The following CR1 variants were observed in gnomAD, a reference collection of about 807,000 sequenced individuals.
The protein encoded by CR1 is complement C3b/C4b receptor 1 (Knops blood group).
Under a neutral mutation model 187.3 loss-of-function variants are expected in CR1, and 116 were observed. The ratio of observed to expected loss-of-function variants is 0.62; its 90% CI spans 0.53 to 0.72. The LOEUF (loss-of-function observed/expected upper bound fraction) is 0.72, where lower values mean the gene tolerates loss of function less well. CR1 is among the 30% of genes least tolerant of loss of function. The probability of loss-of-function intolerance (pLI) is 0.00; values close to 1 mark genes in which losing one functional copy is unlikely to be tolerated. For missense variants in CR1, 1,731 were observed against 2,110.7 expected (o/e 0.82, Z 3.52); for synonymous variants, 576 against 747.1 (o/e 0.77, Z 3.73).
At chr1:207,568,371 G>T (rs906400868) in intron 25 of CR1, among the ~76,000 whole-genome samples, 3 of 103,304 alleles carry the variant, frequency 2.9e-5, no homozygotes, top group African/African-American at 1.4e-4. Flanking sequence ...GGCTCCTTCT[G>T]CCAGGAAACG....
chr1:207,626,632 G>C (rs1226112127), intron 45 of CR1, among the ~76,000 whole-genome samples: 1 of 152,206 alleles, frequency 6.6e-6, no homozygotes, highest in Non-Finnish European at 1.5e-5. Context: ...AAGATGGCCT[G>C]CTCTATGGGA....
In CR1 at chr1:207,609,703, T is replaced by A; in HGVS notation, c.6295+15T>A. On this transcript the variant is annotated intron_variant, in intron 37 of 46. Transcript: ENST00000367049. ...CTGCTCCAGGGGTGAGTGTGACCCATCAAGACTTTGCTGGGTGTGAGGGTA... is the reference window on the plus strand; with the variant it reads ...CTGCTCCAGGGGTGAGTGTGACCCAACAAGACTTTGCTGGGTGTGAGGGTA... 1 of 1,545,922 alleles carries A rather than the reference T, an allele frequency of 6.5e-7. No individual in the cohort carries two copies. Among genetic ancestry groups the A allele is most frequent in the Non-Finnish European group, 8.7e-7 (1 of 1,149,116 alleles).
chr1:207,524,651 G>C (rs531050047), intron 5 of CR1, among the ~76,000 whole-genome samples: 2 of 152,140 alleles, frequency 1.3e-5, no homozygotes, highest in South Asian at 4.1e-4. Flanking sequence ...GCCTCCCAAA[G>C]TGCTGGGATT....
intron 45 of CR1, 86 bp downstream of exon 45, chr1:207,623,154 C>A (rs1028556565): frequency 2.2e-6 from 2 of 905,542 alleles, no homozygotes; most frequent in Admixed American, 2.4e-5. Context: ...CAAACAAACC[C>A]ATTGCTACAT....
intron 37 of CR1, among the ~76,000 whole-genome samples, chr1:207,611,356 T>C (rs1205743994): frequency 6.6e-6 from 1 of 152,090 alleles, no homozygotes; most frequent in African/African-American, 2.4e-5. Flanking sequence ...AGTGGAAGAG[T>C]GGCCAAACCA....
intron 45 of CR1, among the ~76,000 whole-genome samples, chr1:207,629,390 C>T (rs1316901319): frequency 3.9e-5 from 6 of 152,068 alleles, no homozygotes; most frequent in Non-Finnish European, 7.4e-5. Context: ...CCATGTACCA[C>T]TCATCACCCA....
intron 36 of CR1, among the ~76,000 whole-genome samples, chr1:207,608,480 C>G (rs1661814447): frequency 6.6e-6 from 1 of 152,004 alleles, no homozygotes; most frequent in Non-Finnish European, 1.5e-5. Flanking sequence ...TATAAATTTC[C>G]TACAATGAAT....
chr1:207,505,901 C>T lies in CR1; in HGVS notation c.122-3C>T. The T allele has an allele frequency of 6.2e-7, 1 of 1,611,342 alleles. No individual in the cohort carries two copies. Reference sequence around the variant, plus strand: ...TTGATGCTTCTATGGTCTTGATCTCCAGGTCAATGCAATGCCCCAGAATGG... The same window carrying T: ...TTGATGCTTCTATGGTCTTGATCTCTAGGTCAATGCAATGCCCCAGAATGG... On this transcript the variant is annotated splice_region_variant and splice_polypyrimidine_tract_variant and intron_variant, in intron 1 of 46. Transcript: ENST00000367049.
chr1:207,512,362 G>C (rs1367411626), intron 4 of CR1, among the ~76,000 whole-genome samples: 1 of 152,156 alleles, frequency 6.6e-6, no homozygotes, highest in Non-Finnish European at 1.5e-5. Context: ...ATGGTATTCA[G>C]CCATAAAAAA....
At chr1:207,636,110 T>C (rs1388221683) in intron 46 of CR1, among the ~76,000 whole-genome samples, 2 of 152,266 alleles carry the variant, frequency 1.3e-5, no homozygotes, top group Non-Finnish European at 2.9e-5. Flanking sequence ...ATCATCATCA[T>C]GGCTGTTTCT....
chr1:207,588,989 G>A (rs1661191800), intron 35 of CR1, among the ~76,000 whole-genome samples: 2 of 152,158 alleles, frequency 1.3e-5, no homozygotes, highest in African/African-American at 2.4e-5. Flanking sequence ...ACCAGAGGAG[G>A]GCAACATGTT....
At chr1:207,602,541 A>G (rs1047201293) in intron 35 of CR1, among the ~76,000 whole-genome samples, 14 of 152,140 alleles carry the variant, frequency 9.2e-5, no homozygotes, top group Non-Finnish European at 1.9e-4. Flanking sequence ...TCTAATGCCA[A>G]AAAACACAAT....
chr1:207,630,384 A>G, intron 45 of CR1, 133 bp from the exon 46 acceptor site: 1 of 564,920 alleles, frequency 1.8e-6, no homozygotes, highest in South Asian at 2.7e-5. Context: ...TTTTCCTTTC[A>G]GACGTCTTGC....
intron 4 of CR1, among the ~76,000 whole-genome samples, chr1:207,521,839 T>C (rs1290562634): frequency 2.1e-5 from 3 of 145,308 alleles, no homozygotes; most frequent in African/African-American, 7.5e-5. Flanking sequence ...TATATATACT[T>C]TTTTTTTTTT....
chr1:207,524,009 G>T lies in CR1; in HGVS notation c.886G>T (p.Val296Leu), dbSNP rs1192074518. 1 of 1,611,760 alleles carries T rather than the reference G, an allele frequency of 6.2e-7. No individual in the cohort carries two copies. Among genetic ancestry groups the T allele is most frequent in the South Asian group, 1.1e-5 (1 of 90,994 alleles). ...WEPELPSCSR[V>L]CQPPPDVLHA... ...GCCGGAGCTACCAAGCTGCTCCAGG[G>T]GTGAGTCTGACTGAGGCCTAGAAGG... The change falls in exon 5 of 47, where the codon GTA becomes TTA. Residue 296 changes from valine to leucine, a missense_variant and splice_region_variant. This residue lies in a region of CR1 where 131 missense variants were observed against 196.8 expected (regional missense o/e 0.67). Coordinates refer to ENST00000367049, the MANE Select transcript of CR1 (RefSeq NM_000651.6).
At chr1:207,620,512 G>A (rs1662284689) in intron 43 of CR1, among the ~76,000 whole-genome samples, 1 of 152,128 alleles carries the variant, frequency 6.6e-6, no homozygotes, top group Admixed American at 6.5e-5. Context: ...GCCCTCTGCT[G>A]GCAACTGGAA....
intron 36 of CR1, among the ~76,000 whole-genome samples, chr1:207,607,770 T>C (rs1661795423): frequency 6.6e-6 from 1 of 152,234 alleles, no homozygotes; most frequent in African/African-American, 2.4e-5. Flanking sequence ...TCTGATCATT[T>C]TGAGTTCTAA....
At chr1:207,608,969 T>C (rs1190347264) in intron 36 of CR1, among the ~76,000 whole-genome samples, 4 of 152,174 alleles carry the variant, frequency 2.6e-5, no homozygotes, top group Non-Finnish European at 5.9e-5. Context: ...TAATAACCTA[T>C]AGGAAAAAAT....
At chr1:207,595,322 A>G (rs990417699) in intron 35 of CR1, among the ~76,000 whole-genome samples, 3 of 152,122 alleles carry the variant, frequency 2.0e-5, no homozygotes, top group Non-Finnish European at 1.5e-5. Context: ...AGAAGCATTA[A>G]TTAGCACATA....
Sources: gnomAD v4.1 joint callset for allele counts (sites outside exome capture counted in the v4.1 genomes callset) on GRCh38, gnomAD v4.1.1 for gene constraint, gnomAD v4.1.1 regional missense constraint, MANE v1.5 for transcripts, NCBI Gene and HGNC (gene_info 2026-07-23, HGNC 2026-07-21) for gene names.